The following APC variants were observed in gnomAD, a reference collection of about 807,000 sequenced individuals.
The protein encoded by APC is APC regulator of Wnt signaling pathway.
In APC, 72 loss-of-function variants were observed where a neutral mutation model predicts 247.0. The observed-to-expected ratio is 0.29, with a 90% CI of 0.24 to 0.35. APC has a LOEUF of 0.35. APC is among the 10% of genes least tolerant of loss of function. The probability of loss-of-function intolerance (pLI) is 1.00; values close to 1 mark genes in which losing one functional copy is unlikely to be tolerated. For synonymous variants in APC, 1,254 were observed against 1,162.5 expected (o/e 1.08, Z -1.60); for missense variants, 3,400 against 3,360.7 (o/e 1.01, Z -0.29).
At position 112,841,776 on chromosome 5, in the gene APC, A is replaced by G; in HGVS notation, c.6182A>G (p.Glu2061Gly). The G allele has an allele frequency of 1.9e-6, 3 of 1,614,114 alleles. No individual in the cohort carries two copies. Among genetic ancestry groups the G allele is most frequent in the Non-Finnish European group, 2.5e-6 (3 of 1,179,950 alleles). The change falls in exon 16 of 16, where the codon GAA becomes GGA. Residue 2061 changes from glutamate (E) to glycine (G), a missense_variant. Transcript: ENST00000257430. The surrounding 1 kb of genome is among the most constrained non-coding windows in gnomAD (Gnocchi z 4.6). ...KKPSRLKGDN[E>G]KHSPRNMGGI... ...CCTTCAAGACTCAAGGGTGATAATG[A>G]AAAACATAGTCCCAGAAATATGGGT...
At chr5:112,815,638 T>C in intron 9 of APC, 45 bp downstream of exon 9, 1 of 1,499,032 alleles carries the variant, frequency 6.7e-7, no homozygotes, top group South Asian at 1.1e-5. Flanking sequence ...CATGACTACT[T>C]TGCTAAGACA....
intron 10 of APC, among the ~76,000 whole-genome samples, chr5:112,820,900 C>T (rs1190259823): frequency 6.6e-6 from 1 of 152,050 alleles, no homozygotes; most frequent in Non-Finnish European, 1.5e-5. Context: ...CTCACACAAG[C>T]GCCCAGACTG....
intron 1 of APC, among the ~76,000 whole-genome samples, chr5:112,748,151 G>A (rs572769869): frequency 1.3e-5 from 2 of 152,256 alleles, no homozygotes; most frequent in South Asian, 2.1e-4. Flanking sequence ...CTGCCCACAC[G>A]TGGTATGGGC....
At chr5:112,735,473 C>T (rs1034169605), upstream of APC, among the ~76,000 whole-genome samples, 2 of 150,114 alleles carry the variant, frequency 1.3e-5, no homozygotes, top group African/African-American at 4.9e-5. Flanking sequence ...CCACTGCACC[C>T]TGCCCAGAAA....
At chr5:112,820,294 C>G (rs1762988008) in intron 10 of APC, among the ~76,000 whole-genome samples, 1 of 151,618 alleles carries the variant, frequency 6.6e-6, no homozygotes, top group East Asian at 1.9e-4. Context: ...ACTTATGAAC[C>G]TATAGCAGAT....
chr5:112,821,335 A>G (rs1763109393), intron 10 of APC, among the ~76,000 whole-genome samples: 1 of 151,932 alleles, frequency 6.6e-6, no homozygotes, highest in Admixed American at 6.6e-5. Context: ...GCAAGACCCT[A>G]TCTCTACAAA....
At chr5:112,769,175 C>T (rs1432080599) in intron 4 of APC, among the ~76,000 whole-genome samples, 3 of 150,710 alleles carry the variant, frequency 2.0e-5, no homozygotes, top group Non-Finnish European at 3.0e-5. Flanking sequence ...CTCAGCCTCC[C>T]GGGTAGCTGG....
At chr5:112,835,879 C>T (rs959248202) in intron 15 of APC, among the ~76,000 whole-genome samples, 3 of 150,742 alleles carry the variant, frequency 2.0e-5, no homozygotes, top group African/African-American at 7.3e-5. Flanking sequence ...GGCCAATAAT[C>T]ATAATATTAT....
chr5:112,760,949 A>G (rs1755582672), intron 2 of APC, among the ~76,000 whole-genome samples: 1 of 152,076 alleles, frequency 6.6e-6, no homozygotes, highest in Non-Finnish European at 1.5e-5. Context: ...AGCTGGGACT[A>G]CAGGCACCTG....
At chr5:112,752,979 G>C (rs982250124) in intron 1 of APC, among the ~76,000 whole-genome samples, 1 of 152,064 alleles carries the variant, frequency 6.6e-6, no homozygotes. Flanking sequence ...GGCTCTTTTT[G>C]TGGTTGTGTA....
rs755660899 is a variant in APC at position 112,767,333 on chromosome 5, G to T, written c.365G>T (p.Gly122Val). ...PVPMGSFPRR[G>V]FVNGSRESTG... ...CCTATGGGTTCATTTCCAAGAAGAGGGTTTGTAAATGGAAGCAGAGAAAGT... is the reference window on the plus strand; with the variant it reads ...CCTATGGGTTCATTTCCAAGAAGAGTGTTTGTAAATGGAAGCAGAGAAAGT... The change falls in exon 4 of 16, where the codon GGG becomes GTG. Residue 122 changes from glycine (G) to valine (V), a missense_variant. Gly to Val is a moderately radical substitution (Grantham distance 109). Transcript: ENST00000257430. 1.3e-5 allele frequency: 21 copies of T among 1,613,996 alleles called. No homozygotes were observed. Among genetic ancestry groups the T allele is most frequent in the Non-Finnish European group, 1.2e-5 (14 of 1,180,024 alleles).
intron 11 of APC, 110 bp downstream of exon 11, chr5:112,822,101 T>A (rs1763208259): frequency 1.3e-6 from 1 of 772,846 alleles, no homozygotes; most frequent in African/African-American, 1.7e-5. Flanking sequence ...TGAATTAGGA[T>A]ATAAGGCCAC....
rs2149771361 is a variant in APC at position 112,817,294 on chromosome 5, G to A, written c.934-1672G>A. 2.0e-5 allele frequency among the ~76,000 whole-genome samples: 3 copies of A among 152,220 alleles called. No homozygotes were observed. In the South Asian group the frequency reaches 6.2e-4, roughly 32 times the overall value. ...ATACTCTGTATACTCTTTCTTTACT[G>A]TAAATAATATAATAGCTCTTGGGAA... On this transcript the variant is annotated intron_variant, in intron 9 of 15. Transcript: ENST00000257430.
chr5:112,711,496 C>T (rs138294886), intron 1 of APC, among the ~76,000 whole-genome samples: 63 of 152,308 alleles, frequency 4.1e-4, no homozygotes, highest in Middle Eastern at 3.4e-3. Context: ...CTTCCTGATT[C>T]TGTATTTCTC....
chr5:112,755,203 AGTGAATC>A, intron 2 of APC, 178 bp downstream of exon 2: 1 of 466,428 alleles, frequency 2.1e-6, no homozygotes, highest in Non-Finnish European at 2.8e-6. Flanking sequence ...GAATTCATTC[AGTGAATC>A]ATATAAAGAA....
In APC at chr5:112,843,311, A is replaced by G. The variant is rs145444830; in HGVS notation, c.7717A>G (p.Ile2573Val). 6.3e-5 allele frequency: 102 copies of G among 1,613,566 alleles called. No individual in the cohort carries two copies. Among genetic ancestry groups the G allele is most frequent in the Non-Finnish European group, 8.3e-5 (98 of 1,179,614 alleles). ...GAGAAGAACTGGAAGTTCATCTTCA[A>G]TTCTTTCTGCTTCATCAGAATCCAG... ...TWRRTGSSSS[I>V]LSASSESSEK... is the part of the protein sequence containing the mutation. The change falls in exon 16 of 16, where the codon ATT becomes GTT. Residue 2573 changes from isoleucine (I) to valine (V), a missense_variant. Ile to Val is a conservative substitution (Grantham distance 29). Transcript: ENST00000257430. The surrounding 1 kb of genome is among the most constrained non-coding windows in gnomAD (Gnocchi z 4.8).
In APC at chr5:112,838,314, G is replaced by A. The variant is rs1370667212; in HGVS notation, c.2720G>A (p.Gly907Glu). ...ACCTCTCAGGAAGACAGAAGTTCTGGGTCTACCACTGAATTACATTGTGTG... is the reference window on the plus strand; with the variant it reads ...ACCTCTCAGGAAGACAGAAGTTCTGAGTCTACCACTGAATTACATTGTGTG... ...IHTSQEDRSS[G>E]STTELHCVTD... Residue 907 changes from glycine to glutamate, a missense_variant, in exon 16 of 16, where the codon GGG becomes GAG. This residue lies in a region of APC where 715 missense variants were observed against 656.6 expected (regional missense o/e 1.09). Coordinates refer to ENST00000257430, the MANE Select transcript of APC (RefSeq NM_000038.6). 4 of 1,614,126 alleles carry A rather than the reference G, an allele frequency of 2.5e-6. No individual in the cohort carries two copies. The East Asian group carries it at 8.9e-5, about 36-fold the overall frequency.
Position 112,844,202 on chromosome 5 carries a change from CT to C in APC, c.*79del. On this transcript the variant is annotated 3_prime_UTR_variant, in exon 16 of 16. Coordinates refer to ENST00000257430, the MANE Select transcript of APC (RefSeq NM_000038.6). Reference sequence around the variant, plus strand: ...TATAGACATTTTGTTTCAAATGAAACTTTAAAAGACTGAAAAATTTTGTAAA... The same window carrying C: ...TATAGACATTTTGTTTCAAATGAAACTTAAAAGACTGAAAAATTTTGTAAA... 1.5e-6 allele frequency: 2 copies of C among 1,374,088 alleles called. No individual in the cohort carries two copies. Among genetic ancestry groups the C allele is most frequent in the East Asian group, 2.4e-5 (1 of 41,030 alleles). The allele number at this position is 1,374,088 out of a possible 1,614,324, so 85.1% of individuals were successfully genotyped here.
chr5:112,823,940 G>T (rs1404494806), intron 11 of APC, among the ~76,000 whole-genome samples: 1 of 152,122 alleles, frequency 6.6e-6, no homozygotes, highest in Admixed American at 6.6e-5. Context: ...TCTTATGTTC[G>T]GGAAATTTTG....
Sources: allele counts gnomAD v4.1 joint callset (sites outside exome capture counted in the v4.1 genomes callset), GRCh38; gene constraint gnomAD v4.1.1; regional missense constraint gnomAD v4.1.1; non-coding constraint Gnocchi (gnomAD v3.1); transcripts MANE v1.5; gene names NCBI Gene and HGNC (gene_info 2026-07-23, HGNC 2026-07-21).